The following ZNF641 variants were observed in gnomAD, a reference collection of about 807,000 sequenced individuals.
ZNF641 encodes zinc finger protein 641.
A neutral mutation model predicts 46.2 loss-of-function variants in ZNF641; 26 were observed. The ratio of observed to expected loss-of-function variants is 0.56; its 90% confidence interval spans 0.41 to 0.78. ZNF641 has a LOEUF of 0.78. ZNF641 is among the 30% of genes least tolerant of loss of function. The pLI is 0.00. For synonymous variants in ZNF641, 163 were observed against 187.9 expected (o/e 0.87, Z 1.09); for missense variants, 469 against 517.8 (o/e 0.91, Z 0.91).
intron 2 of ZNF641, 68 bp from the exon 3 acceptor site, chr12:48,347,411 A>C (rs1008686707): frequency 1.4e-6 from 2 of 1,410,852 alleles, no homozygotes; most frequent in Non-Finnish European, 1.9e-6. Context: ...CCTGGGCCCC[A>C]TTTTAGAGAG....
At chr12:48,344,907 A>C in intron 4 of ZNF641, 195 bp from the exon 5 acceptor site, 1 of 540,256 alleles carries the variant, frequency 1.9e-6, no homozygotes, top group Non-Finnish European at 3.3e-6. Context: ...CTAGAAAATC[A>C]CTCTCCTTCC....
chr12:48,344,799 T>A (rs1410050101), intron 4 of ZNF641, 87 bp from the exon 5 acceptor site: 2 of 819,724 alleles, frequency 2.4e-6, no homozygotes, highest in Non-Finnish European at 3.9e-6. Context: ...AACTGTTTCC[T>A]ATTGTTTGGA....
At position 48,340,756 on chromosome 12, in the gene ZNF641, T is replaced by C. The variant is rs767849489; in HGVS notation, c.*2217A>G. ...TGGTTTCTGTCAGATTCAACAGGTC[T>C]GTACCCAAGACAGGTTCTGAACCAT... is the stretch of plus-strand genomic sequence containing the variant. On this transcript the variant is annotated 3_prime_UTR_variant, in exon 6 of 6. Coordinates refer to ENST00000547026, the MANE Select transcript of ZNF641 (RefSeq NM_001172681.2). 6.1e-6 allele frequency: 6 copies of C among 985,340 alleles called. No individual in the cohort carries two copies. Among genetic ancestry groups the C allele is most frequent in the Non-Finnish European group, 7.2e-6 (6 of 829,922 alleles). The allele number at this position is 985,340 out of a possible 1,614,324, so 61.0% of individuals were successfully genotyped here.
chr12:48,335,001 G>T (rs1952594152), downstream of ZNF641, among the ~76,000 whole-genome samples: 1 of 152,212 alleles, frequency 6.6e-6, no homozygotes. Flanking sequence ...AGAGCTAATT[G>T]TAATATCATT....
At position 48,348,111 on chromosome 12, in the gene ZNF641, G is replaced by A. The variant is rs774471740; in HGVS notation, c.-21C>T. 5.0e-6 allele frequency: 8 copies of A among 1,613,866 alleles called. No individual in the cohort carries two copies. The African/African-American group carries it at 5.3e-5, about 11-fold the overall frequency. ...AGCATTTCTGCTGCAGACCCAAATTGTGACCTGGAACAAATTCATATCAGC... is the reference window on the plus strand; with the variant it reads ...AGCATTTCTGCTGCAGACCCAAATTATGACCTGGAACAAATTCATATCAGC... On this transcript the variant is annotated 5_prime_UTR_variant, in exon 2 of 6. Coordinates refer to ENST00000547026, the MANE Select transcript of ZNF641 (RefSeq NM_001172681.2).
At chr12:48,351,031 A>AGAGGAGTGGGAGGGC (rs1298971685), upstream of ZNF641, 1 of 56,108 alleles carries the variant, frequency 1.8e-5, no homozygotes. Flanking sequence ...AGTGGGAGGG[A>AGAGGAGTGGGAGGGC]GGGAGGGAGG....
In ZNF641 at chr12:48,345,409, G is replaced by A; in HGVS notation, c.342C>T (p.Pro114=). The A allele has an allele frequency of 6.2e-7, 1 of 1,614,208 alleles. No individual in the cohort carries two copies. Among genetic ancestry groups the A allele is most frequent in the Non-Finnish European group, 8.5e-7 (1 of 1,180,030 alleles). The change falls in exon 4 of 6, where the codon CCC becomes CCT. Residue 114 remains proline, a synonymous_variant. Coordinates refer to ENST00000547026, the MANE Select transcript of ZNF641 (RefSeq NM_001172681.2). Reference sequence around the variant, plus strand: ...ATTCTCCATAAAAGTCTGTCTGAGAGGGGTCCAGGCTCCGCCACTCCTCCT... The same window carrying A: ...ATTCTCCATAAAAGTCTGTCTGAGAAGGGTCCAGGCTCCGCCACTCCTCCT... ...FSQEEWRSLD[P]SQTDFYGEYV...
In ZNF641 at chr12:48,341,415, G is replaced by C. The variant is rs1565986881; in HGVS notation, c.*1558C>G. On this transcript the variant is annotated 3_prime_UTR_variant, in exon 6 of 6. Coordinates refer to ENST00000547026, the MANE Select transcript of ZNF641 (RefSeq NM_001172681.2). ...AAGAGAAACAATGACCAACTCATTA[G>C]CTAACGATGCTAGAATACTTATGCA... 1 of 985,316 alleles carries C rather than the reference G, an allele frequency of 1.0e-6. No homozygotes were observed. The highest frequency in any genetic ancestry group is 1.2e-6 in the Non-Finnish European group (1 of 829,950). 61.0% of individuals were successfully genotyped at this position (985,316 alleles called of 1,614,324 possible).
At chr12:48,347,775 G>A in intron 2 of ZNF641, 132 bp downstream of exon 2, 1 of 844,824 alleles carries the variant, frequency 1.2e-6, no homozygotes, top group Non-Finnish European at 1.8e-6. Flanking sequence ...CCAGGGCTGA[G>A]AAAGAATGGG....
rs1952769468 is a variant in ZNF641 at position 48,343,313 on chromosome 12, C to G, written c.935G>C (p.Gly312Ala). 2 of 1,614,092 alleles carry G rather than the reference C, an allele frequency of 1.2e-6. No individual in the cohort carries two copies. Among genetic ancestry groups the G allele is most frequent in the Non-Finnish European group, 8.5e-7 (1 of 1,180,032 alleles). ...ATGGGAGTTGCATCGGAAATTCTTA[C>G]CACACTCAGAGCACCTGCTGGTCTT... ...HDKTSRCSEC[G>A]KNFRCNSHLA... Residue 312 changes from glycine to alanine, a missense_variant, in exon 6 of 6, where the codon GGT becomes GCT. Physicochemically the swap from Gly to Ala is moderately conservative, Grantham distance 60. Coordinates refer to ENST00000547026, the MANE Select transcript of ZNF641 (RefSeq NM_001172681.2).
At chr12:48,345,303 C>T (rs1265091646) in intron 4 of ZNF641, 42 bp downstream of exon 4, 1 of 1,609,142 alleles carries the variant, frequency 6.2e-7, no homozygotes, top group Non-Finnish European at 8.5e-7. Flanking sequence ...CTCCGTCCTC[C>T]CAGAGTCCAA....
At chr12:48,335,320 C>T (rs904196368), downstream of ZNF641, among the ~76,000 whole-genome samples, 2 of 152,232 alleles carry the variant, frequency 1.3e-5, no homozygotes, top group East Asian at 1.9e-4. Flanking sequence ...ACTCAGACCT[C>T]GCTAAACAAA....
chr12:48,345,830 T>G (rs771269419), intron 3 of ZNF641, among the ~76,000 whole-genome samples: 34 of 152,242 alleles, frequency 2.2e-4, no homozygotes, highest in Non-Finnish European at 4.4e-4. Context: ...CATTTCCTCC[T>G]TCTTCCACTG....
chr12:48,345,311 C>T, intron 4 of ZNF641, 34 bp downstream of exon 4: 1 of 1,611,404 alleles, frequency 6.2e-7, no homozygotes, highest in African/African-American at 1.3e-5. Context: ...TCCCAGAGTC[C>T]AATCTTCTAG....
At position 48,344,666 on chromosome 12, in the gene ZNF641, T is replaced by C. The variant is rs1952815601; in HGVS notation, c.453A>G (p.Gly151=). Residue 151 remains glycine, a synonymous_variant, in exon 5 of 6, where the codon GGA becomes GGG. Transcript: ENST00000547026. Reference sequence around the variant, plus strand: ...GGGGGTCAGGGACCCATTGTTCTTCTCCTCCTTCTAGTTGAGAAAGCATGT... The same window carrying C: ...GGGGGTCAGGGACCCATTGTTCTTCCCCTCCTTCTAGTTGAGAAAGCATGT... ...KLDMLSQLEG[G]EEQWVPDPQD... 5 of 1,613,612 alleles carry C rather than the reference T, an allele frequency of 3.1e-6. No individual in the cohort carries two copies. The South Asian group carries it at 5.5e-5, about 18-fold the overall frequency.
At position 48,341,654 on chromosome 12, in the gene ZNF641, G is replaced by T; in HGVS notation, c.*1319C>A. On this transcript the variant is annotated 3_prime_UTR_variant, in exon 6 of 6. Coordinates refer to ENST00000547026, the MANE Select transcript of ZNF641 (RefSeq NM_001172681.2). ...AGTGATGGCAACAACTTGCAAACAC[G>T]TAATTCCTGCCCTAATTTTCCAGCA... The T allele has an allele frequency of 1.0e-6, 1 of 985,432 alleles. No homozygotes were observed. Among genetic ancestry groups the T allele is most frequent in the Non-Finnish European group, 1.2e-6 (1 of 829,940 alleles). 61.0% of individuals were successfully genotyped at this position (985,432 alleles called of 1,614,324 possible).
chr12:48,343,611 C>T lies in ZNF641; in HGVS notation c.637G>A (p.Asp213Asn). 1 of 1,603,444 alleles carries T rather than the reference C, an allele frequency of 6.2e-7. No individual in the cohort carries two copies. Among genetic ancestry groups the T allele is most frequent in the Non-Finnish European group, 8.5e-7 (1 of 1,174,598 alleles). Residue 213 changes from aspartate to asparagine, a missense_variant, in exon 6 of 6, where the codon GAT becomes AAT. By Grantham distance (23) the Asp-to-Asn change is conservative. This residue lies in a region of ZNF641 where 346 missense variants were observed against 354.0 expected (regional missense o/e 0.98). Transcript: ENST00000547026. ...CCTCTGGAGCTGCTGGGCATGGAAT[C>T]CCAGCTCTCATCATGCTCCGGGTTC... The part of the protein sequence containing the change: ...LWNPEHDESW[D>N]SMPSSSRGML...
rs768620154 is a variant in ZNF641, at chr12:48,344,649, G to A, written c.470C>T (p.Pro157Leu). ...CCTCTCCTCTAAGTCCTGGGGGTCAGGGACCCATTGTTCTTCTCCTCCTTC... is the reference window on the plus strand; with the variant it reads ...CCTCTCCTCTAAGTCCTGGGGGTCAAGGACCCATTGTTCTTCTCCTCCTTC... ...QLEGGEEQWV[P>L]DPQDLEERDI... The change falls in exon 5 of 6, where the codon CCT (proline) becomes CTT (leucine). Residue 157 changes from proline (P) to leucine (L), a missense_variant. Pro to Leu is a moderately conservative substitution (Grantham distance 98). This residue lies in a region of ZNF641 where 346 missense variants were observed against 354.0 expected (regional missense o/e 0.98). Coordinates refer to ENST00000547026, the MANE Select transcript of ZNF641 (RefSeq NM_001172681.2). 6.2e-7 allele frequency: 1 copy of A among 1,613,754 alleles called. No homozygotes were observed. The highest frequency in any genetic ancestry group is 1.1e-5 in the South Asian group (1 of 91,032).
intron 3 of ZNF641, chr12:48,347,018 AAAAAC>A (rs1016628591): frequency 3.8e-6 from 3 of 779,558 alleles, no homozygotes; most frequent in South Asian, 4.5e-5. Context: ...CTCAAAAACA[AAAAAC>A]AAAACAAAAC....
Sources: allele counts gnomAD v4.1 joint callset (sites outside exome capture counted in the v4.1 genomes callset), GRCh38; gene constraint gnomAD v4.1.1; regional missense constraint gnomAD v4.1.1; transcripts MANE v1.5; gene names NCBI Gene and HGNC (gene_info 2026-07-23, HGNC 2026-07-21).